The following BTBD18 variants were observed in gnomAD, a reference collection of about 807,000 sequenced individuals.
BTBD18 encodes the protein BTB domain containing 18.
For missense variants in BTBD18, 787 were observed against 846.3 expected, an observed-to-expected ratio of 0.93 and a Z score of 0.87; for synonymous variants, 311 against 324.4, an observed-to-expected ratio of 0.96 and a Z score of 0.44.
In BTBD18 at chr11:57,743,952, T is replaced by A; in HGVS notation, c.*182A>T. On this transcript the variant is annotated 3_prime_UTR_variant, in exon 3 of 3. Coordinates refer to ENST00000422652, the MANE Select transcript of BTBD18 (RefSeq NM_001145101.3). ...TGGTACAAGTTCATAATTTTCTATC[T>A]ATGGTACCCTTGGCTTCTGCCTGGC... is the stretch of plus-strand genomic sequence containing the variant. 1.8e-6 allele frequency: 1 copy of A among 556,746 alleles called. No homozygotes were observed. The highest frequency in any genetic ancestry group is 3.2e-6 in the Non-Finnish European group (1 of 312,636). The allele number at this position is 556,746 out of a possible 1,614,324, so 34.5% of individuals were successfully genotyped here. A position where few individuals can be genotyped will look rare whatever the true frequency, so the allele number is the denominator to read the frequency against.
At chr11:57,750,717 C>G (rs1335952168) in intron 2 of BTBD18, among the ~76,000 whole-genome samples, 1 of 152,204 alleles carries the variant, frequency 6.6e-6, no homozygotes, top group African/African-American at 2.4e-5. Context: ...ATAGTATCAT[C>G]TAACACATAT....
intron 2 of BTBD18, 119 bp from the exon 3 acceptor site, chr11:57,746,267 A>C (rs563307882): frequency 1.3e-6 from 1 of 763,722 alleles, no homozygotes; most frequent in Non-Finnish European, 2.0e-6. Context: ...TGGGACTTCA[A>C]GTAAAAGAAA....
In BTBD18 at chr11:57,750,961, T is replaced by C. The variant is rs141920521; in HGVS notation, c.124+104A>G. The stretch of plus-strand genomic sequence containing the variant: ...TTTACCAAATAGTTTACAGTGGTCA[T>C]AGGCAGTAATATTTTGCTGATTTTG... On this transcript the variant is annotated intron_variant, in intron 2 of 2. Transcript: ENST00000422652. The C allele has an allele frequency of 1.1e-3, 1,026 of 932,938 alleles. 2 individuals carry two copies. The highest frequency in any genetic ancestry group is 4.5e-3 in the Middle Eastern group (20 of 4,436). The allele number at this position is 932,938 out of a possible 1,614,324, so 57.8% of individuals were successfully genotyped here. A position where few individuals can be genotyped will look rare whatever the true frequency, so the allele number is the denominator to read the frequency against.
upstream of BTBD18, among the ~76,000 whole-genome samples, chr11:57,752,541 T>A (rs1474267269): frequency 1.3e-5 from 2 of 150,944 alleles, no homozygotes; most frequent in East Asian, 1.9e-4. Context: ...AAAAAAAAAA[T>A]TCCCATCCCA....
chr11:57,750,944 A>G, intron 2 of BTBD18, 121 bp downstream of exon 2: 1 of 736,500 alleles, frequency 1.4e-6, no homozygotes, highest in Non-Finnish European at 2.0e-6. Flanking sequence ...CCTTTACCAA[A>G]TAGTTTACAG....
chr11:57,746,942 ACT>A (rs1949207784), intron 2 of BTBD18, among the ~76,000 whole-genome samples: 1 of 152,098 alleles, frequency 6.6e-6, no homozygotes, highest in Non-Finnish European at 1.5e-5. Context: ...CTAGGCTGTA[ACT>A]CTGTGAGGAC....
At position 57,744,657 on chromosome 11, in the gene BTBD18, C is replaced by T; in HGVS notation, c.1616G>A (p.Gly539Glu). The part of the protein sequence containing the change: ...LTETGKNWIE[G>E]EEWCLPDMEL... ...CATGTCTGGTAGACACCATTCTTCCCCTTCAATCCAGTTCTTTCCTGTTTC... is the reference window on the plus strand; with the variant it reads ...CATGTCTGGTAGACACCATTCTTCCTCTTCAATCCAGTTCTTTCCTGTTTC... The change falls in exon 3 of 3, where the codon GGG (glycine) becomes GAG (glutamate). Residue 539 changes from glycine (G) to glutamate (E), a missense_variant. Coordinates refer to ENST00000422652, the MANE Select transcript of BTBD18 (RefSeq NM_001145101.3). The T allele has an allele frequency of 1.3e-6, 2 of 1,551,688 alleles. No individual in the cohort carries two copies. The highest frequency in any genetic ancestry group is 1.7e-6 in the Non-Finnish European group (2 of 1,147,000).
rs1405311125 is a variant in BTBD18 at position 57,743,822 on chromosome 11, T to C, written c.*312A>G. 1.3e-5 allele frequency: 3 copies of C among 236,698 alleles called. No individual in the cohort carries two copies. The Admixed American group carries it at 1.5e-4, about 12-fold the overall frequency. The allele number at this position is 236,698 out of a possible 1,614,324, so 14.7% of individuals were successfully genotyped here. A position where few individuals can be genotyped will look rare whatever the true frequency, so the allele number is the denominator to read the frequency against. On this transcript the variant is annotated 3_prime_UTR_variant, in exon 3 of 3. Coordinates refer to ENST00000422652, the MANE Select transcript of BTBD18 (RefSeq NM_001145101.3). ...AAATTACCAGTGACTGGATGCCTTA[T>C]GACCTGAGAGATCTGGCCTTGGCTG...
intron 2 of BTBD18, among the ~76,000 whole-genome samples, chr11:57,748,104 T>TA (rs975055194): frequency 5.9e-5 from 9 of 152,206 alleles, no homozygotes; most frequent in African/African-American, 2.2e-4. Context: ...TTTTATTTTT[T>TA]AGAGACAAGG....
At chr11:57,747,840 A>G (rs900307418) in intron 2 of BTBD18, among the ~76,000 whole-genome samples, 2 of 151,964 alleles carry the variant, frequency 1.3e-5, no homozygotes, top group African/African-American at 4.8e-5. Context: ...TGCTCTGCCA[A>G]CCAGGCTGGA....
At chr11:57,749,733 G>A (rs1447754809) in intron 2 of BTBD18, among the ~76,000 whole-genome samples, 2 of 104,862 alleles carry the variant, frequency 1.9e-5, no homozygotes, top group South Asian at 3.5e-4. Context: ...CTGGGCGACA[G>A]CGCAAGAATC....
intron 2 of BTBD18, among the ~76,000 whole-genome samples, chr11:57,748,979 C>T (rs1949245542): frequency 6.6e-6 from 1 of 152,196 alleles, no homozygotes; most frequent in South Asian, 2.1e-4. Context: ...CCCGTGGTCA[C>T]ATCTCTGAAC....
intron 2 of BTBD18, among the ~76,000 whole-genome samples, chr11:57,750,696 A>G (rs1312402315): frequency 1.3e-5 from 2 of 152,240 alleles, no homozygotes; most frequent in East Asian, 1.9e-4. Flanking sequence ...GACTCTCAAA[A>G]AGAAAACATA....
rs1350149720 is a variant in BTBD18, at chr11:57,745,535, G to A, written c.738C>T (p.Ser246=). ...NDTALDPTVL[S]PPSLYPSVDK... is the part of the protein sequence containing the mutation. ...CCACAGAGGGGTACAAGCTGGGTGG[G>A]GAGAGCACTGTAGGATCAAGGGCAG... The change falls in exon 3 of 3, where the codon TCC becomes TCT. Residue 246 remains serine, a synonymous_variant. Coordinates refer to ENST00000422652, the MANE Select transcript of BTBD18 (RefSeq NM_001145101.3). 5 of 1,549,770 alleles carry A rather than the reference G, an allele frequency of 3.2e-6. No homozygotes were observed. Among genetic ancestry groups the A allele is most frequent in the Non-Finnish European group, 4.4e-6 (5 of 1,146,982 alleles).
At chr11:57,752,092 T>TA (rs1172249246), upstream of BTBD18, among the ~76,000 whole-genome samples, 1 of 152,238 alleles carries the variant, frequency 6.6e-6, no homozygotes, top group Non-Finnish European at 1.5e-5. Flanking sequence ...ACTTCAGGCT[T>TA]ATGTCCAGCT....
At chr11:57,751,308 G>T (rs1949302348) in intron 1 of BTBD18, 72 bp from the exon 2 acceptor site, 1 of 798,448 alleles carries the variant, frequency 1.3e-6, no homozygotes, top group Non-Finnish European at 1.8e-6. Context: ...AATGGCAGGG[G>T]AATTTTGAAA....
chr11:57,750,176 G>A (rs953721203), intron 2 of BTBD18, among the ~76,000 whole-genome samples: 1 of 152,056 alleles, frequency 6.6e-6, no homozygotes, highest in South Asian at 2.1e-4. Flanking sequence ...AGGAGTTCGA[G>A]ACCAGTCTGG....
At position 57,751,112 on chromosome 11, in the gene BTBD18, T is replaced by C; in HGVS notation, c.77A>G (p.His26Arg). 6.4e-7 allele frequency: 1 copy of C among 1,550,576 alleles called. No individual in the cohort carries two copies. Among genetic ancestry groups the C allele is most frequent in the Non-Finnish European group, 8.7e-7 (1 of 1,146,568 alleles). ...FLRLAFLQLH[H>R]QQQSDVFCDV... Reference sequence around the variant, plus strand: ...ACAGAACACATCACTCTGCTGCTGGTGATGAAGCTGCAGAAAAGCTAACCT... The same window carrying C: ...ACAGAACACATCACTCTGCTGCTGGCGATGAAGCTGCAGAAAAGCTAACCT... Residue 26 changes from histidine (H) to arginine (R), a missense_variant, in exon 2 of 3, where the codon CAC becomes CGC. By Grantham distance (29) the His-to-Arg change is conservative. Coordinates refer to ENST00000422652, the MANE Select transcript of BTBD18 (RefSeq NM_001145101.3).
rs1482107899 is a variant in BTBD18 at position 57,745,374 on chromosome 11, T to G, written c.899A>C (p.Gln300Pro). ...TGGTGTTTCTTTATTTACACTCCTC[T>G]GCCGCCAAAGACGCCGGCCAGGGGT... ...PATPGRRLWR[Q>P]RSVNKETPED... is the part of the protein sequence containing the mutation. Residue 300 changes from glutamine (Q) to proline (P), a missense_variant, in exon 3 of 3, where the codon CAG (glutamine) becomes CCG (proline). Coordinates refer to ENST00000422652, the MANE Select transcript of BTBD18 (RefSeq NM_001145101.3). 1 of 1,551,698 alleles carries G rather than the reference T, an allele frequency of 6.4e-7. No individual in the cohort carries two copies. Among genetic ancestry groups the G allele is most frequent in the Admixed American group, 2.0e-5 (1 of 51,008 alleles).
Sources: allele counts gnomAD v4.1 joint callset (sites outside exome capture counted in the v4.1 genomes callset), GRCh38; gene constraint gnomAD v4.1.1; transcripts MANE v1.5; gene names NCBI Gene and HGNC (gene_info 2026-07-23, HGNC 2026-07-21).